The following TRPC1 variants were observed in gnomAD, a reference collection of about 807,000 sequenced individuals.
TRPC1 encodes transient receptor potential cation channel subfamily C member 1.
Under a neutral mutation model 88.2 loss-of-function variants are expected in TRPC1, and 42 were observed. The observed-to-expected ratio is 0.48, with a 90% CI of 0.37 to 0.62. The LOEUF is 0.62. Among genes scored for constraint, TRPC1 ranks in the 20% least tolerant of loss-of-function variants. The pLI, the probability that TRPC1 is intolerant of heterozygous loss-of-function variation, is 0.00. For synonymous variants in TRPC1, 288 were observed against 331.8 expected, an observed-to-expected ratio of 0.87 and a Z score of 1.43; for missense variants, 699 against 957.3, an observed-to-expected ratio of 0.73 and a Z score of 3.56.
rs1356781649 is a variant in TRPC1 at position 142,776,996 on chromosome 3, T to C, written c.633-636T>C. 6.6e-6 allele frequency among the ~76,000 whole-genome samples: 1 copy of C among 152,034 alleles called. No individual in the cohort carries two copies. Among genetic ancestry groups the C allele is most frequent in the African/African-American group, 2.4e-5 (1 of 41,406 alleles). On this transcript the variant is annotated intron_variant, in intron 4 of 12. Coordinates refer to ENST00000476941, the MANE Select transcript of TRPC1 (RefSeq NM_001251845.2). The surrounding 1 kb of genome is among the most constrained non-coding windows in gnomAD (Gnocchi z 4.1). ...CACATCATATTAAAAATTTATGTTA[T>C]TAGCATATTTTATTTAAAATTATGT...
intron 9 of TRPC1, among the ~76,000 whole-genome samples, chr3:142,795,436 C>T (rs1936422018): frequency 6.6e-6 from 1 of 151,770 alleles, no homozygotes. Flanking sequence ...TGCTGAAAAT[C>T]AGTGATAAAA....
At chr3:142,756,605 T>C (rs1934976128) in intron 4 of TRPC1, among the ~76,000 whole-genome samples, 1 of 152,060 alleles carries the variant, frequency 6.6e-6, no homozygotes, top group Non-Finnish European at 1.5e-5. Context: ...GTGATCCGCC[T>C]GCCTCGGCCT....
At position 142,804,224 on chromosome 3, in the gene TRPC1, T is replaced by G. The variant is rs537893508; in HGVS notation, c.1959+46T>G. ...ACTTTATATTCTCCTCAGACCATAC[T>G]AAGTGCATACAATAGATAAGATAGC... is the stretch of plus-strand genomic sequence containing the variant. On this transcript the variant is annotated intron_variant, in intron 11 of 12. Coordinates refer to ENST00000476941, the MANE Select transcript of TRPC1 (RefSeq NM_001251845.2). The G allele has an allele frequency of 1.0e-5, 16 of 1,568,152 alleles. No homozygotes were observed. In the South Asian group the frequency reaches 1.2e-4, roughly 12 times the overall value.
chr3:142,756,048 T>C (rs1934947451), intron 4 of TRPC1, among the ~76,000 whole-genome samples: 1 of 152,202 alleles, frequency 6.6e-6, no homozygotes, highest in Non-Finnish European at 1.5e-5. Flanking sequence ...CTTACCATAA[T>C]ATTTTTGAGG....
At position 142,792,040 on chromosome 3, in the gene TRPC1, G is replaced by A. The variant is rs1244150112; in HGVS notation, c.1438-784G>A. 1.3e-5 allele frequency among the ~76,000 whole-genome samples: 2 copies of A among 151,804 alleles called. No homozygotes were observed. Among genetic ancestry groups the A allele is most frequent in the Non-Finnish European group, 2.9e-5 (2 of 67,892 alleles). ...AGTTCTTAGATTATTGAAAAGGCAA[G>A]CTCATTATTTTACATAATTTTACTT... On this transcript the variant is annotated intron_variant, in intron 8 of 12. Transcript: ENST00000476941. This position sits in a 1 kb window ranked among gnomAD's most constrained non-coding sequence, Gnocchi z 4.0.
At chr3:142,772,153 T>C (rs1469038745) in intron 4 of TRPC1, among the ~76,000 whole-genome samples, 1 of 152,190 alleles carries the variant, frequency 6.6e-6, no homozygotes, top group African/African-American at 2.4e-5. Context: ...TCTCTTTGCA[T>C]TTATCCTACT....
At chr3:142,780,795 G>A (rs1935934691) in intron 5 of TRPC1, 39 bp from the exon 6 acceptor site, 13 of 1,537,746 alleles carry the variant, frequency 8.5e-6, no homozygotes, top group Non-Finnish European at 1.1e-5. Flanking sequence ...TTAGAAGATG[G>A]AAACGACGTT....
chr3:142,759,702 G>C (rs1360331984), intron 4 of TRPC1, among the ~76,000 whole-genome samples: 1 of 152,142 alleles, frequency 6.6e-6, no homozygotes, highest in African/African-American at 2.4e-5. Flanking sequence ...GATCCCATTT[G>C]TCAATTTTGG....
Position 142,780,978 on chromosome 3 carries a change from A to G in TRPC1, c.909A>G (p.Glu303=). 1 of 1,613,832 alleles carries G rather than the reference A, an allele frequency of 6.2e-7. No individual in the cohort carries two copies. The highest frequency in any genetic ancestry group is 1.7e-5 in the Admixed American group (1 of 60,006). The change falls in exon 6 of 13, where the codon GAA becomes GAG. Residue 303 remains glutamate, a synonymous_variant. Transcript: ENST00000476941. Reference sequence around the variant, plus strand: ...TTGACAAACGGGGATTATTAGAAGAAAGAATGAATTTAAGTCGTCTAAAAC... The same window carrying G: ...TTGACAAACGGGGATTATTAGAAGAGAGAATGAATTTAAGTCGTCTAAAAC... ...EPLDKRGLLE[E]RMNLSRLKLA...
chr3:142,800,484 A>G (rs1035103052), intron 9 of TRPC1, among the ~76,000 whole-genome samples: 1 of 152,130 alleles, frequency 6.6e-6, no homozygotes, highest in African/African-American at 2.4e-5. Context: ...ACCATTTTGT[A>G]TCACTGAAAG....
chr3:142,780,556 G>T (rs757953913), intron 5 of TRPC1, among the ~76,000 whole-genome samples: 9 of 152,106 alleles, frequency 5.9e-5, no homozygotes, highest in Non-Finnish European at 1.2e-4. Context: ...AATATTATTA[G>T]AATTTTTAGG....
rs751263452 is a variant in TRPC1 at position 142,807,493 on chromosome 3, TG to T, written c.*1259del. 2 of 152,230 alleles carry T rather than the reference TG, an allele frequency of 1.3e-5. No individual in the cohort carries two copies. The highest frequency in any genetic ancestry group is 2.9e-5 in the Non-Finnish European group (2 of 68,046). 9.4% of individuals were successfully genotyped at this position (152,230 alleles called of 1,614,324 possible). A position where few individuals can be genotyped will look rare whatever the true frequency, so the allele number is the denominator to read the frequency against. On this transcript the variant is annotated 3_prime_UTR_variant, in exon 13 of 13. Coordinates refer to ENST00000476941, the MANE Select transcript of TRPC1 (RefSeq NM_001251845.2). ...GTATATAATTCTCTTCTTAACCGAA[TG>T]TCAGATGGTCTTACGCCACAGGGTG...
chr3:142,771,395 C>T (rs564170813), intron 4 of TRPC1, among the ~76,000 whole-genome samples: 5 of 152,134 alleles, frequency 3.3e-5, no homozygotes, highest in East Asian at 1.9e-4. Context: ...AGGCTGGTCT[C>T]GAACTCCTGG....
chr3:142,794,986 TAAAGTTTAGTAGAGA>T (rs1936408593), intron 9 of TRPC1, among the ~76,000 whole-genome samples: 1 of 152,094 alleles, frequency 6.6e-6, no homozygotes, highest in Admixed American at 6.6e-5. Context: ...ACAAAAAGTT[TAAAGTTTAGTAGAGA>T]CATGGAAGAT....
intron 1 of TRPC1, among the ~76,000 whole-genome samples, chr3:142,734,973 T>G (rs1274272623): frequency 6.6e-6 from 1 of 152,182 alleles, no homozygotes. Context: ...AGCGATAAAT[T>G]TTCACTGGTC....
intron 9 of TRPC1, among the ~76,000 whole-genome samples, chr3:142,799,795 G>C (rs970042244): frequency 6.6e-6 from 1 of 152,002 alleles, no homozygotes; most frequent in Non-Finnish European, 1.5e-5. Flanking sequence ...GTGAAACTCT[G>C]TCTCTTAAAA....
intron 10 of TRPC1, among the ~76,000 whole-genome samples, chr3:142,803,316 G>A (rs1218957605): frequency 6.6e-6 from 1 of 152,184 alleles, no homozygotes; most frequent in Non-Finnish European, 1.5e-5. Flanking sequence ...GAGAGAGAAC[G>A]GCAAAGGCAA....
chr3:142,804,018 C>G lies in TRPC1; in HGVS notation c.1799C>G (p.Ser600Cys). The G allele has an allele frequency of 1.2e-6, 2 of 1,613,696 alleles. No homozygotes were observed. Among genetic ancestry groups the G allele is most frequent in the Non-Finnish European group, 1.7e-6 (2 of 1,179,802 alleles). ...TCFALFWYIF[S>C]LAHVAIFVTR... ...TTTGCTTTGTTCTGGTATATTTTCTCCTTAGCGCATGTGGCAATCTTTGTC... is the reference window on the plus strand; with the variant it reads ...TTTGCTTTGTTCTGGTATATTTTCTGCTTAGCGCATGTGGCAATCTTTGTC... Residue 600 changes from serine to cysteine, a missense_variant, in exon 11 of 13, where the codon TCC becomes TGC. Physicochemically the swap from Ser to Cys is moderately radical, Grantham distance 112. This residue lies in a region of TRPC1 where 426 missense variants were observed against 641.3 expected (regional missense o/e 0.66). Transcript: ENST00000476941.
intron 4 of TRPC1, among the ~76,000 whole-genome samples, 180 bp downstream of exon 4, chr3:142,748,640 C>A (rs1934643029): frequency 6.6e-6 from 1 of 152,136 alleles, no homozygotes; most frequent in Non-Finnish European, 1.5e-5. Context: ...GAAGTGTTCA[C>A]CAAATGCTGA....
Sources: gnomAD v4.1 joint callset for allele counts (sites outside exome capture counted in the v4.1 genomes callset) on GRCh38, gnomAD v4.1.1 for gene constraint, gnomAD v4.1.1 regional missense constraint, Gnocchi (gnomAD v3.1) non-coding constraint, MANE v1.5 for transcripts, NCBI Gene and HGNC (gene_info 2026-07-23, HGNC 2026-07-21) for gene names.